Variants in LRRC4C observed in about 807,000 individuals in gnomAD.
LRRC4C encodes the protein leucine-rich repeat-containing protein 4C.
Under a neutral mutation model 33.6 loss-of-function variants are expected in LRRC4C, and 5 were observed. That is an observed-to-expected ratio of 0.15 (90% CI 0.08 to 0.31). The LOEUF (loss-of-function observed/expected upper bound fraction) is 0.31. Ranked by LOEUF, LRRC4C falls within the 10% of genes least tolerant of loss-of-function variation. The pLI is 1.00. For missense variants in LRRC4C, 560 were observed against 796.7 expected (o/e 0.70, Z 3.58); for synonymous variants, 329 against 302.0 (o/e 1.09, Z -0.93).
rs371762631 is a variant in LRRC4C, at chr11:41,152,656, G to A, written c.-495-218933C>T. Reference sequence around the variant, plus strand: ...TATGTCCCTAAATATCTTCAAATATGAGAAAGAATATTTCAAGAAAGTTCC... The same window carrying A: ...TATGTCCCTAAATATCTTCAAATATAAGAAAGAATATTTCAAGAAAGTTCC... On this transcript the variant is annotated intron_variant, in intron 1 of 6. Coordinates refer to ENST00000528697, the MANE Select transcript of LRRC4C (RefSeq NM_001258419.2). 2.2e-4 allele frequency among the ~76,000 whole-genome samples: 33 copies of A among 152,268 alleles called. 2 individuals carry two copies. The East Asian group carries it at 3.1e-3, about 14-fold the overall frequency.
At chr11:41,219,381 G>A (rs1947204010) in intron 1 of LRRC4C, among the ~76,000 whole-genome samples, 1 of 152,184 alleles carries the variant, frequency 6.6e-6, no homozygotes, top group Non-Finnish European at 1.5e-5. Context: ...TCATTGGGAA[G>A]AAAGTCAAAT....
At chr11:40,824,005 C>CA (rs1952051168) in intron 2 of LRRC4C, among the ~76,000 whole-genome samples, 1 of 151,772 alleles carries the variant, frequency 6.6e-6, no homozygotes, top group Non-Finnish European at 1.5e-5. Context: ...ATGGACGGAA[C>CA]TCAAAAATAT....
intron 4 of LRRC4C, among the ~76,000 whole-genome samples, chr11:40,286,345 A>G (rs1943837068): frequency 6.6e-6 from 1 of 152,212 alleles, no homozygotes; most frequent in Non-Finnish European, 1.5e-5. Context: ...AGAAGGGACT[A>G]CTAGATACTT....
chr11:41,185,448 T>G (rs948317772), intron 1 of LRRC4C, among the ~76,000 whole-genome samples: 1 of 152,206 alleles, frequency 6.6e-6, no homozygotes, highest in African/African-American at 2.4e-5. Flanking sequence ...GTGTTTGTAA[T>G]CTGTAGAAGC....
At chr11:40,612,915 C>T (rs1464505025) in intron 3 of LRRC4C, among the ~76,000 whole-genome samples, 1 of 151,788 alleles carries the variant, frequency 6.6e-6, no homozygotes, top group Admixed American at 6.6e-5. Flanking sequence ...TATATTTAGA[C>T]TATATAGTAG....
chr11:41,228,434 C>T (rs1947639034), intron 1 of LRRC4C, among the ~76,000 whole-genome samples: 1 of 152,070 alleles, frequency 6.6e-6, no homozygotes. Context: ...AAGTTTCATT[C>T]TGTTGGGGCA....
chr11:41,265,066 T>C (rs980440051), intron 1 of LRRC4C, among the ~76,000 whole-genome samples: 3 of 152,164 alleles, frequency 2.0e-5, no homozygotes, highest in African/African-American at 7.2e-5. Context: ...ATACCATGAC[T>C]GTCCTATTGC....
chr11:41,425,666 A>G (rs541249312), intron 1 of LRRC4C, among the ~76,000 whole-genome samples: 2 of 152,130 alleles, frequency 1.3e-5, no homozygotes, highest in Non-Finnish European at 2.9e-5. Context: ...TAATAGCAAT[A>G]CTTAGCATTT....
chr11:41,241,043 C>G (rs1948229616), intron 1 of LRRC4C, among the ~76,000 whole-genome samples: 2 of 152,234 alleles, frequency 1.3e-5, no homozygotes, highest in Middle Eastern at 6.8e-3. Flanking sequence ...GCTTTACAAA[C>G]TATGGTAAGT....
chr11:40,446,182 A>G (rs905597465), intron 3 of LRRC4C: 2 of 152,198 alleles, frequency 1.3e-5, no homozygotes, highest in African/African-American at 4.8e-5. Flanking sequence ...TATTGCCTGC[A>G]TGTTAAAGCA....
At position 40,206,876 on chromosome 11, in the gene LRRC4C, T is replaced by C. The variant is rs137968263; in HGVS notation, c.-96+34643A>G. 1.9e-3 allele frequency among the ~76,000 whole-genome samples: 290 copies of C among 152,292 alleles called. 3 individuals carry two copies. Among genetic ancestry groups the C allele is most frequent in the African/African-American group, 6.4e-3 (267 of 41,550 alleles). On this transcript the variant is annotated intron_variant, in intron 5 of 6. Transcript: ENST00000528697. ...TTCATATACTCATTAGATTTGGCTC[T>C]GGTAAGAATGACTTCTGCATTATAG... is the stretch of plus-strand genomic sequence containing the variant.
intron 2 of LRRC4C, among the ~76,000 whole-genome samples, chr11:40,765,354 T>C (rs1418673149): frequency 6.6e-6 from 1 of 152,158 alleles, no homozygotes; most frequent in Non-Finnish European, 1.5e-5. Flanking sequence ...CCTTCCACCT[T>C]CTCCCATAAT....
At chr11:41,085,762 T>C (rs1014620855) in intron 1 of LRRC4C, among the ~76,000 whole-genome samples, 9 of 151,860 alleles carry the variant, frequency 5.9e-5, no homozygotes, top group African/African-American at 2.2e-4. Context: ...CTCCCCTTGT[T>C]TTTGACTCTT....
At chr11:40,136,601 C>G (rs1323984578) in intron 6 of LRRC4C, among the ~76,000 whole-genome samples, 2 of 152,076 alleles carry the variant, frequency 1.3e-5, no homozygotes, top group Non-Finnish European at 2.9e-5. Flanking sequence ...TTCTTACCTA[C>G]TCGCTTCAAT....
intron 1 of LRRC4C, among the ~76,000 whole-genome samples, chr11:41,163,284 G>GTGTTTTTTTTTTTTT (rs1944556189): frequency 1.4e-5 from 1 of 73,382 alleles, no homozygotes; most frequent in Non-Finnish European, 2.4e-5. Context: ...TACTGTAACT[G>GTGTTTTTTTTTTTTT]TTTTTTTTTT....
chr11:40,213,411 G>A (rs1863750604), intron 5 of LRRC4C, among the ~76,000 whole-genome samples: 1 of 152,136 alleles, frequency 6.6e-6, no homozygotes, highest in South Asian at 2.1e-4. Flanking sequence ...TGGACAAAAT[G>A]TTGGGAACTA....
chr11:40,965,072 G>A (rs1489728139), intron 1 of LRRC4C, among the ~76,000 whole-genome samples: 1 of 152,086 alleles, frequency 6.6e-6, no homozygotes, highest in Non-Finnish European at 1.5e-5. Flanking sequence ...TCTAACTGGT[G>A]TGAGATGGTA....
intron 5 of LRRC4C, among the ~76,000 whole-genome samples, chr11:40,234,837 A>C (rs2136041017): frequency 6.6e-6 from 1 of 152,324 alleles, no homozygotes; most frequent in South Asian, 2.1e-4. Context: ...GCACATCCCT[A>C]GTTTCTATCC....
At chr11:40,633,615 C>T (rs1320652486) in intron 3 of LRRC4C, among the ~76,000 whole-genome samples, 1 of 151,970 alleles carries the variant, frequency 6.6e-6, no homozygotes, top group Non-Finnish European at 1.5e-5. Context: ...TCTCGAACTC[C>T]TGACCTCAGG....
Sources: gnomAD v4.1 joint callset for allele counts (sites outside exome capture counted in the v4.1 genomes callset) on GRCh38, gnomAD v4.1.1 for gene constraint, MANE v1.5 for transcripts, NCBI Gene and HGNC (gene_info 2026-07-23, HGNC 2026-07-21) for gene names.